The following PGLS variants were observed in gnomAD, a reference collection of about 807,000 sequenced individuals.
PGLS encodes 6-phosphogluconolactonase, also known as epididymis secretory protein Li 304.
In PGLS, 21 loss-of-function variants were observed where a neutral mutation model predicts 23.2. The ratio of observed to expected loss-of-function variants is 0.91; its 90% CI spans 0.64 to 1.31. The LOEUF is 1.31. PGLS is among the 50% of genes most tolerant of loss of function. PGLS has a pLI of 0.00. For missense variants in PGLS, 410 were observed against 354.0 expected, an observed-to-expected ratio of 1.16 and a Z score of -1.27; for synonymous variants, 179 against 165.4, an observed-to-expected ratio of 1.08 and a Z score of -0.63.
Position 17,511,856 on chromosome 19 carries a change from G to A in PGLS, c.184G>A (p.Val62Ile), listed in dbSNP as rs1055508205. 3.3e-6 allele frequency: 5 copies of A among 1,531,938 alleles called. No individual in the cohort carries two copies. The highest frequency in any genetic ancestry group is 2.0e-5 in the Admixed American group (1 of 50,418). 94.9% of individuals were successfully genotyped at this position (1,531,938 alleles called of 1,614,324 possible). Residue 62 changes from valine to isoleucine, a missense_variant, in exon 1 of 5, where the codon GTC becomes ATC. Coordinates refer to ENST00000252603, the MANE Select transcript of PGLS (RefSeq NM_012088.3). The part of the protein sequence containing the change: ...SMLARELPAA[V>I]APAGPASLAR... The stretch of plus-strand genomic sequence containing the variant: ...GCTAGCCCGCGAGCTACCCGCCGCC[G>A]TCGCCCCTGCCGGGCCAGCTAGCTT...
chr19:17,512,918 CTA>C (rs2144640816), intron 1 of PGLS: 1 of 152,356 alleles, frequency 6.6e-6, no homozygotes, highest in East Asian at 1.9e-4. Flanking sequence ...GTACCACAGC[CTA>C]TGAGATGTTA....
At chr19:17,515,099 G>C (rs569848712) in intron 1 of PGLS, among the ~76,000 whole-genome samples, 1 of 152,284 alleles carries the variant, frequency 6.6e-6, no homozygotes, top group East Asian at 1.9e-4. Context: ...ATTTTCTGTT[G>C]TTTATAAGCC....
At chr19:17,516,307 G>T (rs1398015317) in intron 2 of PGLS, 27 bp downstream of exon 2, 2 of 1,605,538 alleles carry the variant, frequency 1.2e-6, no homozygotes, top group South Asian at 1.1e-5. Flanking sequence ...GGCCGCAAGG[G>T]AGTCACATCC....
intron 1 of PGLS, 97 bp downstream of exon 1, chr19:17,512,057 G>A: frequency 2.3e-6 from 3 of 1,300,318 alleles, no homozygotes; most frequent in Non-Finnish European, 3.1e-6. Context: ...TGCCGAAAGG[G>A]CCGCGCCCAC....
At chr19:17,512,642 T>C (rs2075514728) in intron 1 of PGLS, 1 of 152,038 alleles carries the variant, frequency 6.6e-6, no homozygotes, top group Non-Finnish European at 1.5e-5. Context: ...AGCCTCAGGA[T>C]TCTATAGAAT....
intron 4 of PGLS, among the ~76,000 whole-genome samples, chr19:17,519,862 G>A (rs753888): frequency 0.016 from 2,436 of 152,230 alleles, 57 homozygotes; most frequent in African/African-American, 0.056. Context: ...GGTGCCAACC[G>A]CAGTATTAAA....
Position 17,511,952 on chromosome 19 carries a change from C to G in PGLS, c.280C>G (p.Leu94Val), listed in dbSNP as rs868579784. 3.2e-6 allele frequency: 5 copies of G among 1,549,582 alleles called. No individual in the cohort carries two copies. Among genetic ancestry groups the G allele is most frequent in the Non-Finnish European group, 4.4e-6 (5 of 1,149,390 alleles). ...PFDHAESTYG[L>V]YRTHLLSRLP... is the part of the protein sequence containing the mutation. The stretch of plus-strand genomic sequence containing the variant: ...CGATCACGCCGAGAGCACGTACGGC[C>G]TCTACCGGGTGAGAGCTACGGGGGC... The change falls in exon 1 of 5, where the codon CTC becomes GTC. Residue 94 changes from leucine (L) to valine (V), a missense_variant. Transcript: ENST00000252603.
intron 1 of PGLS, 102 bp downstream of exon 1, chr19:17,512,062 G>A (rs949779496): frequency 5.2e-5 from 65 of 1,249,666 alleles, no homozygotes; most frequent in Non-Finnish European, 7.0e-5. Flanking sequence ...AAAGGGCCGC[G>A]CCCACTGTCT....
In PGLS at chr19:17,521,094, A is replaced by C. The variant is rs756487581; in HGVS notation, c.*13A>C. The C allele has an allele frequency of 2.5e-6, 4 of 1,585,314 alleles. No homozygotes were observed. Among genetic ancestry groups the C allele is most frequent in the Non-Finnish European group, 3.4e-6 (4 of 1,164,442 alleles). On this transcript the variant is annotated 3_prime_UTR_variant, in exon 5 of 5. Transcript: ENST00000252603. The stretch of plus-strand genomic sequence containing the variant: ...TTCCACTTTGTAGCTGGCCAGAGGG[A>C]CGCCGCAGCTGGGACCAGGCACGCG...
intron 1 of PGLS, chr19:17,512,241 C>G (rs1025542436): frequency 6.3e-6 from 3 of 476,148 alleles, no homozygotes; most frequent in East Asian, 4.0e-5. Flanking sequence ...CGCCCACTGC[C>G]TGCACCTCGA....
chr19:17,514,738 C>A (rs1015839756), intron 1 of PGLS, among the ~76,000 whole-genome samples: 1 of 152,054 alleles, frequency 6.6e-6, no homozygotes, highest in African/African-American at 2.4e-5. Context: ...CCACAACCTC[C>A]GCCTCCTGGG....
In PGLS at chr19:17,521,253, C is replaced by T. The variant is rs1329212735; in HGVS notation, c.*172C>T. The T allele has an allele frequency of 3.3e-6, 2 of 612,432 alleles. No homozygotes were observed. Among genetic ancestry groups the T allele is most frequent in the Non-Finnish European group, 5.6e-6 (2 of 360,270 alleles). 37.9% of individuals were successfully genotyped at this position (612,432 alleles called of 1,614,324 possible). ...GGGGCTCAACACACAGGCTGTGGCT[C>T]TGGACATCCGGATATTAAAAGGAGC... On this transcript the variant is annotated 3_prime_UTR_variant, in exon 5 of 5. Coordinates refer to ENST00000252603, the MANE Select transcript of PGLS (RefSeq NM_012088.3).
At chr19:17,513,778 C>T (rs2075520741) in intron 1 of PGLS, among the ~76,000 whole-genome samples, 1 of 152,194 alleles carries the variant, frequency 6.6e-6, no homozygotes, top group Admixed American at 6.5e-5. Context: ...GAGATCATGC[C>T]ACTGCACTCC....
chr19:17,517,650 T>C (rs2075539393), intron 3 of PGLS, 60 bp from the exon 4 acceptor site: 1 of 1,582,264 alleles, frequency 6.3e-7, no homozygotes, highest in African/African-American at 1.3e-5. Context: ...TGTGTGTAAG[T>C]GTCCAAGAAG....
rs192871899 is a variant in PGLS at position 17,515,523 on chromosome 19, A to G, written c.289-650A>G. Among the ~76,000 whole-genome samples, 1,302 of 152,262 alleles carry G rather than the reference A, an allele frequency of 8.6e-3. 14 individuals are homozygous for G. Among genetic ancestry groups the G allele is most frequent in the African/African-American group, 0.029 (1,187 of 41,554 alleles). ...CAGGCCAGGGCATCTACTGTGCGCT[A>G]GCCACAGGTGCTGGGCCTGGGCAAG... On this transcript the variant is annotated intron_variant, in intron 1 of 4. Transcript: ENST00000252603.
rs1480864304 is a variant in PGLS at position 17,517,687 on chromosome 19, C to T, written c.499-23C>T. The T allele has an allele frequency of 3.7e-6, 6 of 1,613,374 alleles. No individual in the cohort carries two copies. The South Asian group carries it at 5.5e-5, about 15-fold the overall frequency. On this transcript the variant is annotated intron_variant, in intron 3 of 4. Coordinates refer to ENST00000252603, the MANE Select transcript of PGLS (RefSeq NM_012088.3). ...TGAAGTGACATTGTCCTTCTGCCTC[C>T]ATCCCTGGGCTTCCTCCCCAAGGAG... is the stretch of plus-strand genomic sequence containing the variant.
rs567032996 is a variant in PGLS, at chr19:17,512,204, C to T, written c.288+244C>T. The stretch of plus-strand genomic sequence containing the variant: ...CACCGGTTGCCCTCGGCTACGGGGG[C>T]CACTGGGGGTCATGCCGAGATGGTC... On this transcript the variant is annotated intron_variant, in intron 1 of 4. Coordinates refer to ENST00000252603, the MANE Select transcript of PGLS (RefSeq NM_012088.3). The T allele has an allele frequency of 4.9e-4, 255 of 517,870 alleles. 2 individuals carry two copies. The South Asian group carries it at 5.7e-3, about 12-fold the overall frequency. 32.1% of individuals were successfully genotyped at this position (517,870 alleles called of 1,614,324 possible). A position where few individuals can be genotyped will look rare whatever the true frequency, so the allele number is the denominator to read the frequency against.
chr19:17,517,500 A>C, intron 3 of PGLS, 111 bp downstream of exon 3: 1 of 996,802 alleles, frequency 1.0e-6, no homozygotes, highest in Admixed American at 2.1e-5. Context: ...CCAGGGTTCA[A>C]GTCAGCCTCC....
intron 4 of PGLS, among the ~76,000 whole-genome samples, chr19:17,519,114 G>A (rs1174453583): frequency 6.6e-6 from 1 of 151,354 alleles, no homozygotes; most frequent in African/African-American, 2.4e-5. Flanking sequence ...AGGAGTTCAA[G>A]ACCAGCCTGG....
Sources: allele counts gnomAD v4.1 joint callset (sites outside exome capture counted in the v4.1 genomes callset), GRCh38; gene constraint gnomAD v4.1.1; transcripts MANE v1.5; gene names NCBI Gene and HGNC (gene_info 2026-07-23, HGNC 2026-07-21).